Variants in ARAP1 observed in about 807,000 individuals in gnomAD.
ARAP1 encodes ArfGAP with RhoGAP domain, ankyrin repeat and PH domain 1, also known as arf-GAP with Rho-GAP domain, ANK repeat and PH domain-containing protein 1.
In ARAP1, 76 loss-of-function variants were observed where a neutral mutation model predicts 172.2. The observed-to-expected ratio is 0.44, with a 90% confidence interval of 0.37 to 0.53. The LOEUF (loss-of-function observed/expected upper bound fraction) is 0.53. ARAP1 is among the 20% of genes least tolerant of loss of function. ARAP1 has a pLI of 0.00. For missense variants in ARAP1, 1,686 were observed against 1,977.5 expected (o/e 0.85, Z 2.80); for synonymous variants, 804 against 803.3 (o/e 1.00, Z -0.01).
chr11:72,738,204 T>C (rs10793039), intron 1 of ARAP1, among the ~76,000 whole-genome samples: 79,617 of 151,982 alleles, frequency 0.52, 21,376 homozygotes, highest in East Asian at 0.62. Flanking sequence ...GTGAATTTGG[T>C]GACAGGAGAT....
chr11:72,696,952 G>A (rs1290285268), intron 22 of ARAP1, 31 bp downstream of exon 22: 2 of 1,585,130 alleles, frequency 1.3e-6, no homozygotes, highest in Admixed American at 1.7e-5. Flanking sequence ...GGTGGAGGAG[G>A]AGGAGGCTGG....
In ARAP1 at chr11:72,699,860, C is replaced by T. The variant is rs543089350; in HGVS notation, c.2303-308G>A. ...GACAGACTCTGTGCCCCTCAGCCTG[C>T]CATTCAAGGCCCTGCCAGGTCTACC... On this transcript the variant is annotated intron_variant, in intron 16 of 34. Transcript: ENST00000393609. This position sits in a 1 kb window ranked among gnomAD's most constrained non-coding sequence, Gnocchi z 4.2. Among the ~76,000 whole-genome samples the T allele has an allele frequency of 6.6e-6, 1 of 152,302 alleles. No individual in the cohort carries two copies. The highest frequency in any genetic ancestry group is 2.1e-4 in the South Asian group (1 of 4,822).
chr11:72,736,239 C>CTTTTTTTTTTTTTTTTTTTTTT (rs61233618), intron 1 of ARAP1, among the ~76,000 whole-genome samples: 1 of 132,380 alleles, frequency 7.6e-6, no homozygotes, highest in African/African-American at 2.8e-5. Context: ...TTTTAGTTAC[C>CTTTTTTTTTTTTTTTTTTTTTT]TTTTTTTTTT....
Position 72,726,812 on chromosome 11 carries a change from G to C in ARAP1, c.317C>G (p.Thr106Arg). 1 of 1,561,674 alleles carries C rather than the reference G, an allele frequency of 6.4e-7. No individual in the cohort carries two copies. Among genetic ancestry groups the C allele is most frequent in the Non-Finnish European group, 8.7e-7 (1 of 1,152,740 alleles). Residue 106 changes from threonine (T) to arginine (R), a missense_variant, in exon 3 of 35, where the codon ACA (threonine) becomes AGA (arginine). Thr to Arg is a moderately conservative substitution (Grantham distance 71). Around this residue, in one of 5 missense-constraint regions of ARAP1, gnomAD observed 190 missense variants for 228.6 expected, o/e 0.83. Transcript: ENST00000393609. This position sits in a 1 kb window ranked among gnomAD's most constrained non-coding sequence, Gnocchi z 6.5. ...GGCAGCGGGGAGCCCCTCATCCTCT[G>C]TAGTGGTGGGCAGCGGCTCGGGTGG... ...ATPPEPLPTT[T>R]EDEGLPAAPP...
In ARAP1 at chr11:72,732,542, C is replaced by T. The variant is rs1364640307; in HGVS notation, c.-72G>A. 6.6e-6 allele frequency: 1 copy of T among 152,614 alleles called. No homozygotes were observed. Among genetic ancestry groups the T allele is most frequent in the East Asian group, 1.9e-4 (1 of 5,204 alleles). 9.5% of individuals were successfully genotyped at this position (152,614 alleles called of 1,614,324 possible). A position where few individuals can be genotyped will look rare whatever the true frequency, so the allele number is the denominator to read the frequency against. On this transcript the variant is annotated 5_prime_UTR_variant, in exon 2 of 35. Transcript: ENST00000393609. ...GCTGGGCTGCCAAGGACGCCCGGGTCCTCCCAGAGACAGCAGCTATTCTGA... is the reference window on the plus strand; with the variant it reads ...GCTGGGCTGCCAAGGACGCCCGGGTTCTCCCAGAGACAGCAGCTATTCTGA...
intron 11 of ARAP1, among the ~76,000 whole-genome samples, chr11:72,707,739 G>A (rs964397122): frequency 6.6e-6 from 1 of 152,136 alleles, no homozygotes; most frequent in African/African-American, 2.4e-5. Context: ...TTGCACAGGG[G>A]GCATTCCAGG....
At position 72,703,681 on chromosome 11, in the gene ARAP1, G is replaced by A. The variant is rs573166458; in HGVS notation, c.1992+471C>T. ...GCATACCCCTGCCTCGGAGCTGGCT[G>A]CCTCCCACTCAGGCAGAGCCAGATC... On this transcript the variant is annotated intron_variant, in intron 14 of 34. Transcript: ENST00000393609. 3.7e-4 allele frequency among the ~76,000 whole-genome samples: 56 copies of A among 152,356 alleles called. No homozygotes were observed. The East Asian group carries it at 4.8e-3, about 13-fold the overall frequency.
At chr11:72,686,884 T>C (rs893051623) in intron 33 of ARAP1, among the ~76,000 whole-genome samples, 1 of 152,126 alleles carries the variant, frequency 6.6e-6, no homozygotes, top group African/African-American at 2.4e-5. Context: ...CTGACCTCTG[T>C]GTCGAGGTCA....
At chr11:72,687,352 T>C in intron 33 of ARAP1, 87 bp downstream of exon 33, 1 of 1,525,044 alleles carries the variant, frequency 6.6e-7, no homozygotes. Flanking sequence ...AAGGGGTGGG[T>C]TGAATAGCAC....
At position 72,726,525 on chromosome 11, in the gene ARAP1, C is replaced by T. The variant is rs1011534711; in HGVS notation, c.509+95G>A. The T allele has an allele frequency of 3.5e-6, 5 of 1,411,070 alleles. No homozygotes were observed. The highest frequency in any genetic ancestry group is 3.7e-6 in the Non-Finnish European group (4 of 1,076,236). The allele number at this position is 1,411,070 out of a possible 1,614,324, so 87.4% of individuals were successfully genotyped here. ...CTGTTCCCCCTGCACTTCCGAAGTG[C>T]CTTTCTTACCCCAGCACCAAAGGCC... is the stretch of plus-strand genomic sequence containing the variant. On this transcript the variant is annotated intron_variant, in intron 3 of 34. Transcript: ENST00000393609. This position sits in a 1 kb window ranked among gnomAD's most constrained non-coding sequence, Gnocchi z 6.5.
rs184753946 is a variant in ARAP1, at chr11:72,717,531, T to C, written c.510-3210A>G. On this transcript the variant is annotated intron_variant, in intron 3 of 34. Coordinates refer to ENST00000393609, the MANE Select transcript of ARAP1 (RefSeq NM_001040118.3). ...CCCCCTCCTCTGGCACCACAGTGCA[T>C]CTCCCATCACTGTCCTGATCAACTG... Among the ~76,000 whole-genome samples the C allele has an allele frequency of 9.3e-4, 142 of 152,292 alleles. 2 individuals are homozygous for C. The highest frequency in any genetic ancestry group is 6.8e-3 in the Middle Eastern group (2 of 294).
chr11:72,708,965 A>T (rs1856888973), intron 11 of ARAP1, among the ~76,000 whole-genome samples: 1 of 148,372 alleles, frequency 6.7e-6, no homozygotes, highest in African/African-American at 2.5e-5. Flanking sequence ...TTGAACCTGG[A>T]GGCAGAGGTT....
chr11:72,686,020 A>G (rs368488222), intron 34 of ARAP1, 22 bp downstream of exon 34: 9 of 1,613,812 alleles, frequency 5.6e-6, no homozygotes, highest in African/African-American at 4.0e-5. Context: ...CCCCCTGCCC[A>G]AAGGCATGGA....
intron 1 of ARAP1, among the ~76,000 whole-genome samples, 152 bp downstream of exon 1, chr11:72,752,176 C>G (rs533889229): frequency 1.3e-5 from 2 of 152,342 alleles, no homozygotes; most frequent in South Asian, 4.1e-4. Flanking sequence ...AGAGGCGACC[C>G]CCCCATCACG....
intron 23 of ARAP1, among the ~76,000 whole-genome samples, 194 bp from the exon 24 acceptor site, chr11:72,696,059 G>C (rs1856174951): frequency 6.6e-6 from 1 of 152,054 alleles, no homozygotes; most frequent in South Asian, 2.1e-4. Context: ...TCCAGACAAG[G>C]TACCCTGGCC....
At chr11:72,716,317 C>CTACTA (rs1857272037) in intron 3 of ARAP1, among the ~76,000 whole-genome samples, 1 of 152,074 alleles carries the variant, frequency 6.6e-6, no homozygotes, top group Non-Finnish European at 1.5e-5. Context: ...ACATCACCTT[C>CTACTA]TACTATACTT....
chr11:72,710,723 G>T lies in ARAP1; in HGVS notation c.1214-136C>A. On this transcript the variant is annotated intron_variant, in intron 9 of 34. Coordinates refer to ENST00000393609, the MANE Select transcript of ARAP1 (RefSeq NM_001040118.3). The surrounding 1 kb of genome is among the most constrained non-coding windows in gnomAD (Gnocchi z 4.3). ...CCCCATCATTTTGCTTGACTTCTCT[G>T]ACTTGAACGAGCTCAGGCTCCAATC... 9.4e-7 allele frequency: 1 copy of T among 1,063,736 alleles called. No individual in the cohort carries two copies. The highest frequency in any genetic ancestry group is 1.3e-6 in the Non-Finnish European group (1 of 757,058). The allele number at this position is 1,063,736 out of a possible 1,614,324, so 65.9% of individuals were successfully genotyped here.
intron 1 of ARAP1, among the ~76,000 whole-genome samples, chr11:72,735,097 CA>C (rs1215625520): frequency 6.6e-6 from 1 of 152,084 alleles, no homozygotes; most frequent in African/African-American, 2.4e-5. Context: ...TATCCCACGT[CA>C]GCCTCCCAAG....
Position 72,750,125 on chromosome 11 carries a change from C to T in ARAP1, c.-128+2203G>A, listed in dbSNP as rs770492139. The stretch of plus-strand genomic sequence containing the variant: ...TCCTTCCCCATTTCCTACTGCATCC[C>T]CTCCTGATGTGACAGAACCCTTGGG... On this transcript the variant is annotated intron_variant, in intron 1 of 34. Transcript: ENST00000393609. 5.1e-4 allele frequency among the ~76,000 whole-genome samples: 78 copies of T among 152,218 alleles called. 1 individual carries two copies. The highest frequency in any genetic ancestry group is 3.5e-4 in the Non-Finnish European group (24 of 68,036).
Sources: gnomAD v4.1 joint callset for allele counts (sites outside exome capture counted in the v4.1 genomes callset) on GRCh38, gnomAD v4.1.1 for gene constraint, gnomAD v4.1.1 regional missense constraint, Gnocchi (gnomAD v3.1) non-coding constraint, MANE v1.5 for transcripts, NCBI Gene and HGNC (gene_info 2026-07-23, HGNC 2026-07-21) for gene names.